The following GRIP1 variants were observed in gnomAD, a reference collection of about 807,000 sequenced individuals.
The protein encoded by GRIP1 is glutamate receptor interacting protein 1, also known as glutamate receptor-interacting protein 1.
Under a neutral mutation model 129.9 loss-of-function variants are expected in GRIP1, and 45 were observed. The observed-to-expected ratio is 0.35, with a 90% confidence interval of 0.27 to 0.44. The LOEUF (loss-of-function observed/expected upper bound fraction) is 0.44. Ranked by LOEUF, GRIP1 falls within the 20% of genes least tolerant of loss-of-function variation. GRIP1 has a pLI of 1.00. For synonymous variants in GRIP1, 530 were observed against 520.8 expected (o/e 1.02, Z -0.24); for missense variants, 1,196 against 1,396.8 (o/e 0.86, Z 2.29).
At chr12:66,365,174 G>A (rs188143615) in intron 23 of GRIP1, among the ~76,000 whole-genome samples, 84 of 152,294 alleles carry the variant, frequency 5.5e-4, no homozygotes, top group African/African-American at 1.8e-3. Flanking sequence ...GGTGGCTCAT[G>A]CCTGTAATCC....
At position 67,011,528 on chromosome 12, in the gene GRIP1, C is replaced by T. The variant is rs187788531; in HGVS notation, c.58+57522G>A. On this transcript the variant is annotated intron_variant, in intron 1 of 1. Transcript: ENST00000643019. ...CTCCACTGGCCTTCCTTTATTTATT[C>T]AGATATGCCATGTTCTTTTCCTTCT... 2.6e-3 allele frequency among the ~76,000 whole-genome samples: 391 copies of T among 152,188 alleles called. 9 individuals are homozygous for T. The highest frequency in any genetic ancestry group is 1.4e-3 in the Non-Finnish European group (96 of 67,994).
intron 1 of GRIP1, among the ~76,000 whole-genome samples, chr12:66,717,075 AC>A (rs761950043): frequency 1.3e-5 from 2 of 152,152 alleles, no homozygotes; most frequent in Non-Finnish European, 2.9e-5. Context: ...ATCTTTAGAA[AC>A]AAAACTTATT....
intron 1 of GRIP1, among the ~76,000 whole-genome samples, chr12:66,730,065 T>G (rs1299784954): frequency 6.6e-6 from 1 of 152,248 alleles, no homozygotes; most frequent in African/African-American, 2.4e-5. Flanking sequence ...CTGTCTCCAA[T>G]GCTTCGCAAA....
chr12:67,034,468 T>C (rs2043066267), intron 1 of GRIP1, among the ~76,000 whole-genome samples: 1 of 152,216 alleles, frequency 6.6e-6, no homozygotes, highest in Non-Finnish European at 1.5e-5. Flanking sequence ...TATAGAATAC[T>C]GTAAGCAACC....
At chr12:66,826,892 T>A (rs554016445) in intron 1 of GRIP1, among the ~76,000 whole-genome samples, 46 of 152,186 alleles carry the variant, frequency 3.0e-4, no homozygotes, top group Admixed American at 6.5e-4. Context: ...TATGTTTTTT[T>A]AAAAAATGCA....
chr12:66,548,785 C>T (rs1283952521), intron 2 of GRIP1, among the ~76,000 whole-genome samples: 1 of 152,096 alleles, frequency 6.6e-6, no homozygotes, highest in African/African-American at 2.4e-5. Flanking sequence ...GTTTGTGTTG[C>T]TGCGGGTGAT....
At chr12:66,656,531 C>T (rs1357232363) in intron 1 of GRIP1, among the ~76,000 whole-genome samples, 8 of 152,126 alleles carry the variant, frequency 5.3e-5, no homozygotes, top group African/African-American at 1.2e-4. Context: ...TCTCTTACCA[C>T]GGATTATTGC....
chr12:66,784,049 T>C (rs941586918), intron 1 of GRIP1, among the ~76,000 whole-genome samples: 1 of 152,172 alleles, frequency 6.6e-6, no homozygotes, highest in Non-Finnish European at 1.5e-5. Context: ...TTTAAACTTA[T>C]ATAATTAAGA....
At chr12:67,066,163 T>G (rs910860027) in intron 1 of GRIP1, among the ~76,000 whole-genome samples, 1 of 152,218 alleles carries the variant, frequency 6.6e-6, no homozygotes, top group African/African-American at 2.4e-5. Flanking sequence ...TAGCTTCATC[T>G]TGACACAGGC....
chr12:66,455,605 G>C lies in GRIP1; in HGVS notation c.1199-41C>G, dbSNP rs1364848183. ...GACGTTGCACAGAGCACTCTCAGGTGAGGTGTGAGCCCGCCACACTTGTCA... is the reference window on the plus strand; with the variant it reads ...GACGTTGCACAGAGCACTCTCAGGTCAGGTGTGAGCCCGCCACACTTGTCA... On this transcript the variant is annotated intron_variant, in intron 10 of 24. Coordinates refer to ENST00000359742, the MANE Select transcript of GRIP1 (RefSeq NM_001366722.1). The C allele has an allele frequency of 1.9e-6, 3 of 1,592,112 alleles. No individual in the cohort carries two copies. In the East Asian group the frequency reaches 6.7e-5, roughly 36 times the overall value.
intron 23 of GRIP1, among the ~76,000 whole-genome samples, chr12:66,357,759 A>G (rs1354018399): frequency 1.3e-5 from 2 of 152,236 alleles, no homozygotes; most frequent in Non-Finnish European, 2.9e-5. Flanking sequence ...AATGAATGCT[A>G]ATTCTTTCCT....
chr12:66,534,633 C>T (rs1231509777), intron 4 of GRIP1, among the ~76,000 whole-genome samples: 2 of 151,888 alleles, frequency 1.3e-5, no homozygotes, highest in Non-Finnish European at 2.9e-5. Flanking sequence ...CCTCCTTCTC[C>T]GTCTTTCTCC....
intron 4 of GRIP1, among the ~76,000 whole-genome samples, chr12:66,535,009 CCTAT>C (rs920950968): frequency 1.3e-5 from 2 of 151,914 alleles, no homozygotes; most frequent in African/African-American, 2.4e-5. Context: ...TCTGTCTTTC[CCTAT>C]CTGTTTGTAG....
At chr12:66,982,900 A>C (rs2042259334) in intron 1 of GRIP1, among the ~76,000 whole-genome samples, 1 of 152,178 alleles carries the variant, frequency 6.6e-6, no homozygotes, top group Admixed American at 6.6e-5. Context: ...CTTCCTTTGA[A>C]GTTTGTAGGG....
chr12:66,618,627 C>A (rs1016071132), intron 1 of GRIP1, among the ~76,000 whole-genome samples: 7 of 152,050 alleles, frequency 4.6e-5, no homozygotes, highest in African/African-American at 9.7e-5. Flanking sequence ...CTTAAAATAT[C>A]TTTTGCAACT....
At chr12:66,912,153 A>T (rs913858545) in intron 1 of GRIP1, among the ~76,000 whole-genome samples, 1 of 152,182 alleles carries the variant, frequency 6.6e-6, no homozygotes, top group African/African-American at 2.4e-5. Flanking sequence ...ATTTTATAAA[A>T]CATAGGAGTA....
intron 5 of GRIP1, among the ~76,000 whole-genome samples, chr12:66,519,335 T>G (rs182006688): frequency 6.6e-6 from 1 of 152,196 alleles, no homozygotes; most frequent in African/African-American, 2.4e-5. Flanking sequence ...CAGAAAAAAA[T>G]TTTAAAATAA....
chr12:66,697,617 G>A (rs889383301), intron 1 of GRIP1, among the ~76,000 whole-genome samples: 1 of 152,128 alleles, frequency 6.6e-6, no homozygotes, highest in South Asian at 2.1e-4. Flanking sequence ...TTTTGGTTTT[G>A]TGGTGAAGGG....
At chr12:67,062,583 C>T (rs1255535060) in intron 1 of GRIP1, among the ~76,000 whole-genome samples, 4 of 152,222 alleles carry the variant, frequency 2.6e-5, no homozygotes, top group East Asian at 1.9e-4. Context: ...CTGCTCCCTC[C>T]GCATTAATCT....
Sources: allele counts gnomAD v4.1 joint callset (sites outside exome capture counted in the v4.1 genomes callset), GRCh38; gene constraint gnomAD v4.1.1; transcripts MANE v1.5; gene names NCBI Gene and HGNC (gene_info 2026-07-23, HGNC 2026-07-21).